The following PRKCA variants were observed in gnomAD, a reference collection of about 807,000 sequenced individuals.
The protein encoded by PRKCA is protein kinase C alpha.
PRKCA carries 27 observed loss-of-function variants against 87.0 expected under a neutral mutation model. The observed-to-expected ratio is 0.31, with a 90% CI of 0.23 to 0.43. The LOEUF is 0.43. Among genes scored for constraint, PRKCA ranks in the 20% least tolerant of loss-of-function variants. PRKCA has a pLI of 1.00. For missense variants in PRKCA, 518 were observed against 852.3 expected, an observed-to-expected ratio of 0.61 and a Z score of 4.88; for synonymous variants, 329 against 311.1, an observed-to-expected ratio of 1.06 and a Z score of -0.61.
At chr17:66,665,124 C>G (rs912998167) in intron 5 of PRKCA, among the ~76,000 whole-genome samples, 1 of 152,148 alleles carries the variant, frequency 6.6e-6, no homozygotes, top group Admixed American at 6.5e-5. Flanking sequence ...CTGGATGATA[C>G]TGATAATTAC....
At chr17:66,562,613 T>G (rs919276498) in intron 3 of PRKCA, among the ~76,000 whole-genome samples, 1 of 151,622 alleles carries the variant, frequency 6.6e-6, no homozygotes, top group Non-Finnish European at 1.5e-5. Flanking sequence ...TGTTGTTGTT[T>G]TTTGGCAGAG....
At chr17:66,338,733 G>A (rs1406801916) in intron 2 of PRKCA, among the ~76,000 whole-genome samples, 1 of 152,122 alleles carries the variant, frequency 6.6e-6, no homozygotes, top group Non-Finnish European at 1.5e-5. Flanking sequence ...AATATTTTGT[G>A]GAATGTACTA....
At chr17:66,384,693 A>G (rs1598629674) in intron 2 of PRKCA, among the ~76,000 whole-genome samples, 1 of 151,798 alleles carries the variant, frequency 6.6e-6, no homozygotes, top group South Asian at 2.1e-4. Flanking sequence ...TAGTGGTGCC[A>G]TCTCGGCTCA....
intron 2 of PRKCA, among the ~76,000 whole-genome samples, chr17:66,479,870 A>T (rs1179246855): frequency 3.3e-5 from 5 of 152,102 alleles, no homozygotes; most frequent in African/African-American, 1.2e-4. Flanking sequence ...GGAGGGTGAG[A>T]AGAGGGAGAG....
chr17:66,641,393 C>T lies in PRKCA; in HGVS notation c.327C>T (p.Tyr109=), dbSNP rs759205947. The T allele has an allele frequency of 9.3e-6, 15 of 1,612,718 alleles. No homozygotes were observed. The highest frequency in any genetic ancestry group is 1.7e-5 in the Admixed American group (1 of 59,916). ...AGCACAAGTTCAAAATCCACACTTA[C>T]GGAAGCCCCACCTTCTGCGATCACT... is the stretch of plus-strand genomic sequence containing the variant. ...RSKHKFKIHT[Y]GSPTFCDHCG... is the part of the protein sequence containing the mutation. Residue 109 remains tyrosine (Y), a synonymous_variant, in exon 4 of 17, where the codon TAC becomes TAT. Transcript: ENST00000413366.
At chr17:66,762,314 A>C (rs1489566999) in intron 13 of PRKCA, among the ~76,000 whole-genome samples, 2 of 152,198 alleles carry the variant, frequency 1.3e-5, no homozygotes, top group Non-Finnish European at 2.9e-5. Context: ...GTATGGAGTT[A>C]TGTATACTCA....
intron 2 of PRKCA, among the ~76,000 whole-genome samples, chr17:66,427,574 T>G (rs932363108): frequency 2.6e-5 from 4 of 152,250 alleles, no homozygotes; most frequent in African/African-American, 9.6e-5. Flanking sequence ...GCTGGCCTTG[T>G]TTTGTACCTC....
At chr17:66,464,954 A>G (rs1378138161) in intron 2 of PRKCA, among the ~76,000 whole-genome samples, 2 of 152,156 alleles carry the variant, frequency 1.3e-5, no homozygotes, top group Non-Finnish European at 2.9e-5. Flanking sequence ...ACCCAAGGTC[A>G]TCTAGATCTT....
chr17:66,459,786 C>T (rs188283547), intron 2 of PRKCA, among the ~76,000 whole-genome samples: 4 of 152,222 alleles, frequency 2.6e-5, no homozygotes, highest in Admixed American at 6.5e-5. Context: ...TCGTTCAGTG[C>T]GTAAGTATCA....
chr17:66,657,371 T>G (rs190463558), intron 5 of PRKCA, among the ~76,000 whole-genome samples: 1 of 152,206 alleles, frequency 6.6e-6, no homozygotes, highest in East Asian at 1.9e-4. Flanking sequence ...GTTTTTGCAG[T>G]GGGGGTGGTG....
At chr17:66,361,326 T>A (rs867081422) in intron 2 of PRKCA, among the ~76,000 whole-genome samples, 9 of 151,954 alleles carry the variant, frequency 5.9e-5, no homozygotes, top group Middle Eastern at 6.8e-3. Context: ...TTTTTTTTTT[T>A]TTTAGGACAG....
At chr17:66,414,108 T>A (rs1911983704) in intron 2 of PRKCA, among the ~76,000 whole-genome samples, 2 of 152,066 alleles carry the variant, frequency 1.3e-5, no homozygotes, top group Admixed American at 1.3e-4. Flanking sequence ...TTTCAGGAGC[T>A]CTACATCAGG....
intron 2 of PRKCA, among the ~76,000 whole-genome samples, chr17:66,340,509 C>A (rs1906984374): frequency 6.6e-6 from 1 of 151,628 alleles, no homozygotes; most frequent in Admixed American, 6.6e-5. Flanking sequence ...TTCTACTGTG[C>A]AAACAGTGAT....
At chr17:66,391,701 T>G (rs909570628) in intron 2 of PRKCA, among the ~76,000 whole-genome samples, 2 of 152,162 alleles carry the variant, frequency 1.3e-5, no homozygotes, top group Non-Finnish European at 2.9e-5. Flanking sequence ...TTATTTTCTT[T>G]CGGAAACTTT....
At chr17:66,729,024 A>T (rs1477786553) in intron 8 of PRKCA, among the ~76,000 whole-genome samples, 2 of 152,246 alleles carry the variant, frequency 1.3e-5, no homozygotes, top group Non-Finnish European at 2.9e-5. Flanking sequence ...TCTTTCTGGT[A>T]ACTTTTTTCT....
At chr17:66,441,510 T>C (rs1370521770) in intron 2 of PRKCA, among the ~76,000 whole-genome samples, 2 of 152,202 alleles carry the variant, frequency 1.3e-5, no homozygotes, top group Non-Finnish European at 2.9e-5. Context: ...TGTTTGCTCA[T>C]GTATTTGAAA....
intron 3 of PRKCA, among the ~76,000 whole-genome samples, chr17:66,613,381 T>C (rs1323328880): frequency 6.6e-6 from 1 of 152,160 alleles, no homozygotes; most frequent in Admixed American, 6.5e-5. Context: ...ATAAATACTT[T>C]TATTAATCAG....
In PRKCA at chr17:66,436,818, T is replaced by G. The variant is rs144149094; in HGVS notation, c.206-59383T>G. Among the ~76,000 whole-genome samples, 632 of 152,270 alleles carry G rather than the reference T, an allele frequency of 4.2e-3. 6 individuals are homozygous for G. Among genetic ancestry groups the G allele is most frequent in the Middle Eastern group, 0.017 (5 of 294 alleles). On this transcript the variant is annotated intron_variant, in intron 2 of 16. Transcript: ENST00000413366. ...AATTAGGAGGCAAATCGAGAGACTG[T>G]GTTGTCATGGGAACCGAGGAAGGAG...
chr17:66,694,608 C>A (rs760319559), intron 8 of PRKCA, among the ~76,000 whole-genome samples: 7 of 149,096 alleles, frequency 4.7e-5, no homozygotes, highest in Admixed American at 4.0e-4. Flanking sequence ...ACAACAGAAA[C>A]GTCACAGTTG....
Sources: allele counts gnomAD v4.1 joint callset (sites outside exome capture counted in the v4.1 genomes callset), GRCh38; gene constraint gnomAD v4.1.1; transcripts MANE v1.5; gene names NCBI Gene and HGNC (gene_info 2026-07-23, HGNC 2026-07-21).